LDB2: variants seen among roughly 807,000 people sequenced by gnomAD.
LDB2 encodes LIM domain-binding protein 2.
Under a neutral mutation model 44.3 loss-of-function variants are expected in LDB2, and 12 were observed. The ratio of observed to expected loss-of-function variants is 0.27; its 90% CI spans 0.17 to 0.44. The LOEUF is 0.44. LDB2 is among the 20% of genes least tolerant of loss of function. The pLI is 1.00. For missense variants in LDB2, 344 were observed against 473.5 expected (o/e 0.73, Z 2.54); for synonymous variants, 164 against 174.8 (o/e 0.94, Z 0.49).
intron 6 of LDB2, among the ~76,000 whole-genome samples, chr4:16,510,264 T>TACTA (rs1721203726): frequency 2.0e-5 from 3 of 152,074 alleles, no homozygotes; most frequent in Admixed American, 6.5e-5. Context: ...TCTACTCACC[T>TACTA]ACTATTTTTT....
chr4:16,554,302 G>A (rs937896718), intron 5 of LDB2, among the ~76,000 whole-genome samples: 18 of 151,976 alleles, frequency 1.2e-4, no homozygotes, highest in African/African-American at 3.9e-4. Flanking sequence ...CACCCGCCTC[G>A]GCCCCCCAAA....
rs138905916 is a variant in LDB2, at chr4:16,520,947, C to T, written c.616-8843G>A. Among the ~76,000 whole-genome samples the T allele has an allele frequency of 2.2e-4, 33 of 152,286 alleles. 1 individual carries two copies. In the East Asian group the frequency reaches 6.4e-3, roughly 29 times the overall value. Reference sequence around the variant, plus strand: ...TCTGCCATATCTTCCTGCCTGGGCACCCCCTTCCACAATGCTTGGGTTATT... The same window carrying T: ...TCTGCCATATCTTCCTGCCTGGGCATCCCCTTCCACAATGCTTGGGTTATT... On this transcript the variant is annotated intron_variant, in intron 5 of 7. Coordinates refer to ENST00000304523, the MANE Select transcript of LDB2 (RefSeq NM_001290.5).
At chr4:16,840,908 A>C (rs1362057291) in intron 1 of LDB2, among the ~76,000 whole-genome samples, 1 of 152,204 alleles carries the variant, frequency 6.6e-6, no homozygotes, top group African/African-American at 2.4e-5. Flanking sequence ...TGCCTGGTCC[A>C]ACCTAGAGGA....
At chr4:16,728,933 G>A (rs1231664673) in intron 2 of LDB2, among the ~76,000 whole-genome samples, 1 of 152,212 alleles carries the variant, frequency 6.6e-6, no homozygotes, top group African/African-American at 2.4e-5. Flanking sequence ...TGCAAATAAA[G>A]TGCTAAACCC....
At chr4:16,683,672 C>T (rs771087212) in intron 2 of LDB2, among the ~76,000 whole-genome samples, 31 of 152,276 alleles carry the variant, frequency 2.0e-4, no homozygotes, top group Middle Eastern at 3.4e-3. Context: ...TACGAAGGTG[C>T]CAGGATAGAT....
intron 2 of LDB2, among the ~76,000 whole-genome samples, chr4:16,681,060 A>C (rs1399082717): frequency 6.6e-6 from 1 of 152,230 alleles, no homozygotes; most frequent in Admixed American, 6.5e-5. Flanking sequence ...GAGATTTTAC[A>C]GATGTAAATG....
intron 1 of LDB2, among the ~76,000 whole-genome samples, chr4:16,768,867 T>C (rs1769965772): frequency 1.3e-5 from 2 of 152,140 alleles, no homozygotes; most frequent in Admixed American, 6.6e-5. Context: ...AACCCCATCT[T>C]ATAGATGAGA....
intron 1 of LDB2, among the ~76,000 whole-genome samples, chr4:16,833,198 T>A (rs1202224572): frequency 2.6e-5 from 4 of 152,200 alleles, no homozygotes; most frequent in Non-Finnish European, 5.9e-5. Flanking sequence ...GCCAATAAGA[T>A]ATTCTAGAAA....
intron 2 of LDB2, among the ~76,000 whole-genome samples, chr4:16,690,548 A>AAAGG (rs532786164): frequency 5.8e-5 from 4 of 69,356 alleles, no homozygotes; most frequent in Admixed American, 1.6e-4. Flanking sequence ...GAGGTTGGGG[A>AAAGG]AAGGAAGGAA....
At chr4:16,861,779 C>T (rs777749006) in intron 1 of LDB2, among the ~76,000 whole-genome samples, 22 of 152,218 alleles carry the variant, frequency 1.4e-4, no homozygotes, top group Non-Finnish European at 2.5e-4. Flanking sequence ...AGACAAACTA[C>T]GCCTTGCCAG....
chr4:16,535,491 A>G (rs1273749849), intron 5 of LDB2, among the ~76,000 whole-genome samples: 1 of 152,220 alleles, frequency 6.6e-6, no homozygotes, highest in Non-Finnish European at 1.5e-5. Context: ...GATACAATAA[A>G]CAAAGCAGAC....
chr4:16,720,803 G>A (rs1374218817), intron 2 of LDB2, among the ~76,000 whole-genome samples: 1 of 152,164 alleles, frequency 6.6e-6, no homozygotes, highest in African/African-American at 2.4e-5. Context: ...CCATGTTGCA[G>A]CAAAGGACCA....
chr4:16,794,988 A>G (rs1338915276), intron 1 of LDB2, among the ~76,000 whole-genome samples: 1 of 152,228 alleles, frequency 6.6e-6, no homozygotes, highest in East Asian at 1.9e-4. Flanking sequence ...CAGGCAGGAA[A>G]GACACAACCT....
At chr4:16,659,010 C>G (rs1182623104) in intron 2 of LDB2, among the ~76,000 whole-genome samples, 1 of 152,146 alleles carries the variant, frequency 6.6e-6, no homozygotes, top group African/African-American at 2.4e-5. Context: ...AGCAAACAAA[C>G]AAAATTTCTT....
At chr4:16,772,737 C>A (rs182434704) in intron 1 of LDB2, among the ~76,000 whole-genome samples, 101 of 152,116 alleles carry the variant, frequency 6.6e-4, no homozygotes, top group East Asian at 5.4e-3. Context: ...AACACACACA[C>A]AAAAAACTAG....
At chr4:16,849,471 G>C (rs966407961) in intron 1 of LDB2, among the ~76,000 whole-genome samples, 4 of 152,180 alleles carry the variant, frequency 2.6e-5, no homozygotes, top group African/African-American at 9.7e-5. Context: ...CCGATAGAAT[G>C]AATGTCAGTT....
intron 2 of LDB2, among the ~76,000 whole-genome samples, chr4:16,685,870 G>A (rs555816658): frequency 2.5e-4 from 38 of 152,156 alleles, no homozygotes; most frequent in African/African-American, 7.0e-4. Context: ...CCAACACAGC[G>A]AAATCCCGTC....
chr4:16,634,983 C>T (rs1330073855), intron 2 of LDB2, among the ~76,000 whole-genome samples: 1 of 152,148 alleles, frequency 6.6e-6, no homozygotes, highest in Admixed American at 6.5e-5. Context: ...GAGTTCTTGT[C>T]CTTTGCAGGG....
At chr4:16,601,104 A>G (rs1018851959) in intron 2 of LDB2, among the ~76,000 whole-genome samples, 8 of 152,204 alleles carry the variant, frequency 5.3e-5, no homozygotes, top group Non-Finnish European at 1.2e-4. Context: ...AAATAATAAC[A>G]AAAGGATTAC....
Sources: gnomAD v4.1 joint callset for allele counts (sites outside exome capture counted in the v4.1 genomes callset) on GRCh38, gnomAD v4.1.1 for gene constraint, MANE v1.5 for transcripts, NCBI Gene and HGNC (gene_info 2026-07-23, HGNC 2026-07-21) for gene names.